The following GRIK2 variants were observed in gnomAD, a reference collection of about 807,000 sequenced individuals.
GRIK2 encodes glutamate receptor ionotropic, kainate 2.
GRIK2 carries 32 observed loss-of-function variants against 100.3 expected under a neutral mutation model. That is an observed-to-expected ratio of 0.32 (90% confidence interval 0.24 to 0.43). The LOEUF (loss-of-function observed/expected upper bound fraction) is 0.43, where lower values mean the gene tolerates loss of function less well. Ranked by LOEUF, GRIK2 falls within the 20% of genes least tolerant of loss-of-function variation. The pLI is 1.00. For missense variants in GRIK2, 843 were observed against 1,114.9 expected (o/e 0.76, Z 3.47); for synonymous variants, 417 against 389.4 (o/e 1.07, Z -0.83).
chr6:101,946,007 A>C (rs1026701676), intron 14 of GRIK2, among the ~76,000 whole-genome samples: 1 of 149,696 alleles, frequency 6.7e-6, no homozygotes, highest in Non-Finnish European at 1.5e-5. Flanking sequence ...AATCATGTTT[A>C]TGATATAGTA....
chr6:102,010,440 A>G (rs566213099), intron 14 of GRIK2, among the ~76,000 whole-genome samples: 33 of 149,824 alleles, frequency 2.2e-4, no homozygotes, highest in African/African-American at 6.9e-4. Flanking sequence ...CTGAAGTGCA[A>G]TGGTGCAATC....
intron 2 of GRIK2, among the ~76,000 whole-genome samples, chr6:101,426,979 G>A (rs1276759302): frequency 6.6e-6 from 1 of 152,136 alleles, no homozygotes; most frequent in Non-Finnish European, 1.5e-5. Context: ...TTAATATCCT[G>A]TAAAGCACAG....
intron 2 of GRIK2, among the ~76,000 whole-genome samples, chr6:101,423,111 T>C (rs1776498507): frequency 6.6e-6 from 1 of 152,174 alleles, no homozygotes; most frequent in Admixed American, 6.5e-5. Context: ...ACACCGGTCT[T>C]TGTATGTTAC....
chr6:102,018,736 T>C (rs1258050613), intron 14 of GRIK2, among the ~76,000 whole-genome samples: 1 of 152,116 alleles, frequency 6.6e-6, no homozygotes, highest in Non-Finnish European at 1.5e-5. Flanking sequence ...CATTGTTGAC[T>C]CTTCAATTTG....
chr6:101,876,676 TAAAA>T (rs1338969004), intron 11 of GRIK2, among the ~76,000 whole-genome samples: 2 of 151,888 alleles, frequency 1.3e-5, no homozygotes, highest in African/African-American at 4.8e-5. Context: ...GACCCTTTGT[TAAAA>T]TAGTCAATTT....
At chr6:101,561,108 T>G (rs1776990287) in intron 2 of GRIK2, among the ~76,000 whole-genome samples, 1 of 152,138 alleles carries the variant, frequency 6.6e-6, no homozygotes, top group Non-Finnish European at 1.5e-5. Context: ...TTCAATATAT[T>G]TAGTGTATTC....
At chr6:101,982,861 A>G (rs1297538851) in intron 14 of GRIK2, among the ~76,000 whole-genome samples, 1 of 151,758 alleles carries the variant, frequency 6.6e-6, no homozygotes, top group Non-Finnish European at 1.5e-5. Context: ...TAGAGACAGC[A>G]TGGGAGCCAA....
intron 2 of GRIK2, among the ~76,000 whole-genome samples, chr6:101,606,159 A>T (rs1358199196): frequency 6.6e-6 from 1 of 152,000 alleles, no homozygotes; most frequent in Admixed American, 6.6e-5. Flanking sequence ...TGCTTCCTCC[A>T]GACAGGTACA....
Position 102,030,158 on chromosome 6 carries a change from A to G in GRIK2, c.2086-5183A>G, listed in dbSNP as rs543849722. Among the ~76,000 whole-genome samples the G allele has an allele frequency of 4.6e-5, 7 of 151,396 alleles. No homozygotes were observed. In the South Asian group the frequency reaches 1.2e-3, roughly 27 times the overall value. On this transcript the variant is annotated intron_variant, in intron 14 of 16. Transcript: ENST00000369134. ...ATGTAAAACAAGTTGAACTCATAGAAGCAGGGAGTAGAATAGTAGTTACCA... is the reference window on the plus strand; with the variant it reads ...ATGTAAAACAAGTTGAACTCATAGAGGCAGGGAGTAGAATAGTAGTTACCA...
intron 2 of GRIK2, among the ~76,000 whole-genome samples, chr6:101,588,075 CTT>C: frequency 6.6e-6 from 1 of 151,980 alleles, no homozygotes; most frequent in East Asian, 1.9e-4. Flanking sequence ...ATTCTCAGCT[CTT>C]TGTGTTAGGG....
chr6:101,946,146 A>G (rs1220911974), intron 14 of GRIK2, among the ~76,000 whole-genome samples: 2 of 152,132 alleles, frequency 1.3e-5, no homozygotes, highest in East Asian at 1.9e-4. Flanking sequence ...TTTTGAGATT[A>G]GTAAAGTTAG....
chr6:101,931,141 A>G (rs975483192), intron 14 of GRIK2, among the ~76,000 whole-genome samples: 1 of 152,104 alleles, frequency 6.6e-6, no homozygotes, highest in African/African-American at 2.4e-5. Flanking sequence ...TTTCAATTTC[A>G]TGTTTTCACT....
chr6:101,492,938 A>G (rs1773217335), intron 2 of GRIK2, among the ~76,000 whole-genome samples: 1 of 151,992 alleles, frequency 6.6e-6, no homozygotes, highest in African/African-American at 2.4e-5. Flanking sequence ...AAAAAAGACT[A>G]TCAGAAATAA....
intron 14 of GRIK2, among the ~76,000 whole-genome samples, chr6:101,980,623 T>C (rs1286274238): frequency 2.6e-5 from 4 of 151,878 alleles, no homozygotes; most frequent in Non-Finnish European, 5.9e-5. Context: ...TCAGAACTTT[T>C]TAAGGATATG....
At chr6:101,512,924 G>C (rs1774390854) in intron 2 of GRIK2, among the ~76,000 whole-genome samples, 1 of 151,872 alleles carries the variant, frequency 6.6e-6, no homozygotes, top group Admixed American at 6.6e-5. Flanking sequence ...CATGTGTGTA[G>C]TACTACTACT....
chr6:101,860,363 A>T (rs921943888), intron 11 of GRIK2, among the ~76,000 whole-genome samples: 2 of 152,180 alleles, frequency 1.3e-5, no homozygotes, highest in Non-Finnish European at 2.9e-5. Context: ...GCTAAGCAAG[A>T]TGGCTGAATA....
chr6:101,863,314 A>G (rs1784841630), intron 11 of GRIK2, among the ~76,000 whole-genome samples: 1 of 152,092 alleles, frequency 6.6e-6, no homozygotes, highest in South Asian at 2.1e-4. Context: ...TTGGCCTTTA[A>G]TTTCTTTTTC....
chr6:101,593,524 C>T (rs1267117380), intron 2 of GRIK2, among the ~76,000 whole-genome samples: 1 of 151,852 alleles, frequency 6.6e-6, no homozygotes, highest in African/African-American at 2.4e-5. Context: ...TAAAGCCCAG[C>T]TGCTTAATGC....
chr6:101,549,078 G>A (rs945979649), intron 2 of GRIK2, among the ~76,000 whole-genome samples: 4 of 152,036 alleles, frequency 2.6e-5, no homozygotes, highest in African/African-American at 4.8e-5. Flanking sequence ...CAAAACTTGA[G>A]GATTAATTTA....
Sources: allele counts gnomAD v4.1 joint callset (sites outside exome capture counted in the v4.1 genomes callset), GRCh38; gene constraint gnomAD v4.1.1; transcripts MANE v1.5; gene names NCBI Gene and HGNC (gene_info 2026-07-23, HGNC 2026-07-21).